Variants in NINL observed in about 807,000 individuals in gnomAD.
NINL encodes ninein like, also known as ninein-like protein.
In NINL, 153 loss-of-function variants were observed where a neutral mutation model predicts 160.3. The observed-to-expected ratio is 0.95, with a 90% CI of 0.84 to 1.09. The LOEUF (loss-of-function observed/expected upper bound fraction) is 1.09, where lower values mean the gene tolerates loss of function less well. Among genes scored for constraint, NINL ranks in the 50% least tolerant of loss-of-function variants. The pLI, the probability that NINL is intolerant of heterozygous loss-of-function variation, is 0.00. For synonymous variants in NINL, 800 were observed against 734.8 expected, an observed-to-expected ratio of 1.09 and a Z score of -1.43; for missense variants, 1,829 against 1,764.0, an observed-to-expected ratio of 1.04 and a Z score of -0.66.
intron 6 of NINL, among the ~76,000 whole-genome samples, 171 bp from the exon 7 acceptor site, chr20:25,504,275 C>T (rs978790804): frequency 1.3e-5 from 2 of 152,046 alleles, no homozygotes; most frequent in Admixed American, 1.3e-4. Context: ...TTTTCCCAAG[C>T]CGACCCCTCC....
intron 1 of NINL, among the ~76,000 whole-genome samples, chr20:25,585,095 C>A (rs997594164): frequency 6.6e-6 from 1 of 152,182 alleles, no homozygotes; most frequent in Non-Finnish European, 1.5e-5. Context: ...AGCTCATTAC[C>A]ACGGGGGGCC....
intron 1 of NINL, among the ~76,000 whole-genome samples, chr20:25,565,569 G>A (rs1002246595): frequency 6.6e-5 from 10 of 152,330 alleles, no homozygotes; most frequent in Middle Eastern, 3.4e-3. Context: ...CAACAGGGCT[G>A]TAGTATAATC....
intron 1 of NINL, among the ~76,000 whole-genome samples, chr20:25,531,220 T>C (rs1397856141): frequency 6.6e-6 from 1 of 152,254 alleles, no homozygotes; most frequent in African/African-American, 2.4e-5. Flanking sequence ...GTTATCTCTC[T>C]TGTTCCCTGA....
chr20:25,503,763 AC>A (rs2063911286), intron 7 of NINL, among the ~76,000 whole-genome samples, 188 bp downstream of exon 7: 1 of 152,108 alleles, frequency 6.6e-6, no homozygotes, highest in South Asian at 2.1e-4. Flanking sequence ...CACTGGACCC[AC>A]CCCAAATCTA....
chr20:25,577,921 C>G (rs900539879), intron 1 of NINL, among the ~76,000 whole-genome samples: 1 of 151,670 alleles, frequency 6.6e-6, no homozygotes, highest in African/African-American at 2.4e-5. Context: ...CAATCTCCAC[C>G]TCGCAGGTTC....
chr20:25,456,101 G>A (rs1156851892), intron 22 of NINL, among the ~76,000 whole-genome samples: 1 of 149,824 alleles, frequency 6.7e-6, no homozygotes, highest in Non-Finnish European at 1.5e-5. Flanking sequence ...AAATTAGCTG[G>A]GCGTGGTAGC....
At chr20:25,550,553 G>A (rs755028914) in intron 1 of NINL, among the ~76,000 whole-genome samples, 3 of 152,088 alleles carry the variant, frequency 2.0e-5, no homozygotes, top group Non-Finnish European at 4.4e-5. Context: ...CGGTGAGGGG[G>A]ATGTGGCAGG....
At chr20:25,561,899 G>A (rs1251796169) in intron 1 of NINL, among the ~76,000 whole-genome samples, 1 of 151,698 alleles carries the variant, frequency 6.6e-6, no homozygotes, top group African/African-American at 2.4e-5. Flanking sequence ...CCGGAAGGGA[G>A]GTGGGGGTCA....
rs1310259796 is a variant in NINL, at chr20:25,453,212, A to C, written c.*239T>G. ...AGTGGCAAAACTGGGAATTTTGCCAAGGGAAATTACTCAGGACCGCTAATA... is the reference window on the plus strand; with the variant it reads ...AGTGGCAAAACTGGGAATTTTGCCACGGGAAATTACTCAGGACCGCTAATA... On this transcript the variant is annotated 3_prime_UTR_variant, in exon 24 of 24. Transcript: ENST00000278886. The C allele has an allele frequency of 4.0e-5, 15 of 371,468 alleles. No homozygotes were observed. The highest frequency in any genetic ancestry group is 6.7e-5 in the Non-Finnish European group (14 of 209,622). 23.0% of individuals were successfully genotyped at this position (371,468 alleles called of 1,614,324 possible).
intron 1 of NINL, among the ~76,000 whole-genome samples, chr20:25,582,536 A>G (rs1259472867): frequency 6.6e-6 from 1 of 152,168 alleles, no homozygotes; most frequent in East Asian, 1.9e-4. Context: ...CTCATTCTAC[A>G]AAAAAGAGTT....
At chr20:25,558,041 T>C (rs2064889598) in intron 1 of NINL, among the ~76,000 whole-genome samples, 1 of 150,890 alleles carries the variant, frequency 6.6e-6, no homozygotes, top group Non-Finnish European at 1.5e-5. Flanking sequence ...CTCGGGAGGC[T>C]GAAGCAGAAG....
At chr20:25,574,735 G>C (rs1224452560) in intron 1 of NINL, among the ~76,000 whole-genome samples, 1 of 152,150 alleles carries the variant, frequency 6.6e-6, no homozygotes, top group Non-Finnish European at 1.5e-5. Context: ...ATCCAGTCTG[G>C]AATATGTTGA....
At chr20:25,542,852 G>A (rs1463537017) in intron 1 of NINL, among the ~76,000 whole-genome samples, 1 of 148,074 alleles carries the variant, frequency 6.8e-6, no homozygotes, top group Non-Finnish European at 1.5e-5. Context: ...TCAACATGGT[G>A]AAACCCCCCC....
chr20:25,523,803 G>A (rs562457802), intron 2 of NINL, among the ~76,000 whole-genome samples: 157 of 146,196 alleles, frequency 1.1e-3, no homozygotes, highest in Non-Finnish European at 1.6e-3. Context: ...CCACCACGCC[G>A]GCTAATTTTG....
At chr20:25,477,361 G>A (rs947115439) in intron 16 of NINL, among the ~76,000 whole-genome samples, 6 of 152,190 alleles carry the variant, frequency 3.9e-5, no homozygotes, top group Admixed American at 6.5e-5. Flanking sequence ...GAAGATGGCC[G>A]CCACCATGCA....
chr20:25,520,659 C>T (rs116835113), intron 2 of NINL, among the ~76,000 whole-genome samples: 1,940 of 152,256 alleles, frequency 0.013, 44 homozygotes, highest in African/African-American at 0.044. Context: ...TATTTTTACT[C>T]GGTATGAAAT....
At chr20:25,549,229 A>G (rs1401556107) in intron 1 of NINL, among the ~76,000 whole-genome samples, 2 of 134,696 alleles carry the variant, frequency 1.5e-5, no homozygotes, top group Non-Finnish European at 3.1e-5. Flanking sequence ...CCACGGCCAA[A>G]CCTCCCACAC....
chr20:25,491,343 GC>G lies in NINL; in HGVS notation c.1485+7del, dbSNP rs747179334. On this transcript the variant is annotated splice_region_variant and intron_variant, in intron 11 of 23. Coordinates refer to ENST00000278886, the MANE Select transcript of NINL (RefSeq NM_025176.6). Reference sequence around the variant, plus strand: ...CCAGCTTCCTGGATGCCCTGGGGATGCCCCTACCTTCAGGGCCAGGGTCAGC... The same window carrying G: ...CCAGCTTCCTGGATGCCCTGGGGATGCCCTACCTTCAGGGCCAGGGTCAGC... 1.3e-6 allele frequency: 2 copies of G among 1,599,760 alleles called. No individual in the cohort carries two copies. The highest frequency in any genetic ancestry group is 2.2e-5 in the East Asian group (1 of 44,614).
chr20:25,501,499 A>G lies in NINL; in HGVS notation c.862-489T>C, dbSNP rs537167504. 3.9e-4 allele frequency among the ~76,000 whole-genome samples: 60 copies of G among 152,318 alleles called. 1 individual carries two copies. The highest frequency in any genetic ancestry group is 1.4e-3 in the African/African-American group (57 of 41,576). ...CCCAGGCAGAGGCGCACACACCCCC[A>G]GACCCTCAGAATGCAGCATGAGTGG... On this transcript the variant is annotated intron_variant, in intron 7 of 23. Transcript: ENST00000278886.
Sources: gnomAD v4.1 joint callset for allele counts (sites outside exome capture counted in the v4.1 genomes callset) on GRCh38, gnomAD v4.1.1 for gene constraint, MANE v1.5 for transcripts, NCBI Gene and HGNC (gene_info 2026-07-23, HGNC 2026-07-21) for gene names.